Variants in ARHGAP8 observed in about 807,000 individuals in gnomAD.
The protein encoded by ARHGAP8 is Rho GTPase activating protein 8.
A neutral mutation model predicts 46.1 loss-of-function variants in ARHGAP8; 62 were observed. The ratio of observed to expected loss-of-function variants is 1.34; its 90% CI spans 1.10 to 1.66. ARHGAP8 has a LOEUF of 1.66. ARHGAP8 is among the 40% of genes most tolerant of loss of function. The pLI is 0.00. For missense variants in ARHGAP8, 923 were observed against 568.4 expected, an observed-to-expected ratio of 1.62 and a Z score of -6.34; for synonymous variants, 375 against 243.1, an observed-to-expected ratio of 1.54 and a Z score of -5.05.
At position 44,862,444 on chromosome 22, in the gene ARHGAP8, C is replaced by G. The variant is rs2071762; in HGVS notation, c.1151C>G (p.Pro384Arg). 98 of 1,613,796 alleles carry G rather than the reference C, an allele frequency of 6.1e-5. No individual in the cohort carries two copies. In the South Asian group the frequency reaches 9.1e-4, roughly 15 times the overall value. The change falls in exon 12 of 12, where the codon CCG becomes CGG. Residue 384 changes from proline to arginine, a missense_variant. Coordinates refer to ENST00000356099, the MANE Select transcript of ARHGAP8 (RefSeq NM_181335.3). ...IEYYEKIFST[P>R]EAPGEHGLAP... ...TACTATGAAAAGATCTTCAGCACCC[C>G]GGAGGCACCTGGGGAGCACGGCCTG...
intron 7 of ARHGAP8, among the ~76,000 whole-genome samples, chr22:44,842,069 C>T (rs1455697311): frequency 6.6e-6 from 1 of 152,128 alleles, no homozygotes; most frequent in Non-Finnish European, 1.5e-5. Context: ...GGGTTAAAAC[C>T]AGGCACAGGC....
chr22:44,819,063 T>A (rs1929951111), intron 5 of ARHGAP8, among the ~76,000 whole-genome samples: 1 of 151,742 alleles, frequency 6.6e-6, no homozygotes, highest in African/African-American at 2.4e-5. Context: ...TGTTTGTTGT[T>A]GTTTTGTTTT....
chr22:44,816,067 C>T (rs1450754893), intron 5 of ARHGAP8, among the ~76,000 whole-genome samples: 4 of 152,100 alleles, frequency 2.6e-5, no homozygotes, highest in Non-Finnish European at 4.4e-5. Context: ...GACAGGGAGG[C>T]GCATCCCTGG....
chr22:44,827,366 A>T (rs1309745657), intron 7 of ARHGAP8, among the ~76,000 whole-genome samples: 1 of 12,068 alleles, frequency 8.3e-5, no homozygotes, highest in Non-Finnish European at 1.8e-4. Context: ...TTTTTTTGAG[A>T]CAGTCTCGCT....
At chr22:44,825,923 G>A (rs988900840) in intron 7 of ARHGAP8, among the ~76,000 whole-genome samples, 1 of 129,268 alleles carries the variant, frequency 7.7e-6, no homozygotes, top group African/African-American at 2.9e-5. Flanking sequence ...CGCGTGCTGG[G>A]TGCCTGGTCG....
chr22:44,856,254 C>CTTTTTTTTTTTTTTTTTTTTT (rs557242169), intron 10 of ARHGAP8, among the ~76,000 whole-genome samples: 1 of 86,824 alleles, frequency 1.2e-5, no homozygotes, highest in African/African-American at 4.9e-5. Flanking sequence ...TATAAATTCC[C>CTTTTTTTTTTTTTTTTTTTTT]TTTTTTTTTT....
chr22:44,793,044 G>A (rs886731195), intron 2 of ARHGAP8, among the ~76,000 whole-genome samples: 4 of 152,184 alleles, frequency 2.6e-5, no homozygotes, highest in East Asian at 1.9e-4. Context: ...GGTTAGTCTC[G>A]AAATCCTGAC....
At chr22:44,768,391 C>G (rs1234831779) in intron 1 of ARHGAP8, among the ~76,000 whole-genome samples, 2 of 152,076 alleles carry the variant, frequency 1.3e-5, no homozygotes, top group Non-Finnish European at 2.9e-5. Flanking sequence ...CCTCAACCTC[C>G]TGGGCTCAAG....
intron 10 of ARHGAP8, among the ~76,000 whole-genome samples, chr22:44,852,769 C>G (rs2147176157): frequency 6.6e-6 from 1 of 152,154 alleles, no homozygotes; most frequent in Non-Finnish European, 1.5e-5. Flanking sequence ...TTGAACAAAC[C>G]ATAAGTTCCG....
chr22:44,851,931 C>G (rs2070104457), intron 10 of ARHGAP8, among the ~76,000 whole-genome samples: 1 of 152,020 alleles, frequency 6.6e-6, no homozygotes, highest in Non-Finnish European at 1.5e-5. Context: ...TGGCTCACTC[C>G]TGTAAACTCA....
At position 44,808,396 on chromosome 22, in the gene ARHGAP8, C is replaced by T; in HGVS notation, c.257C>T (p.Ser86Phe). 3 of 1,614,250 alleles carry T rather than the reference C, an allele frequency of 1.9e-6. No individual in the cohort carries two copies. The highest frequency in any genetic ancestry group is 2.5e-6 in the Non-Finnish European group (3 of 1,180,052). ...GGGCTGAACAGCCGGAACAAGCCTT[C>T]CCTGGGCTGGCTCCAGAGCGCATAC... ...HYGLNSRNKP[S>F]LGWLQSAYKE... Residue 86 changes from serine (S) to phenylalanine (F), a missense_variant, in exon 4 of 12, where the codon TCC (serine) becomes TTC (phenylalanine). Coordinates refer to ENST00000356099, the MANE Select transcript of ARHGAP8 (RefSeq NM_181335.3).
At chr22:44,805,935 G>C (rs181258286) in intron 3 of ARHGAP8, among the ~76,000 whole-genome samples, 1 of 152,210 alleles carries the variant, frequency 6.6e-6, no homozygotes, top group Non-Finnish European at 1.5e-5. Flanking sequence ...TGCTGAGCAC[G>C]CGGGCAGATG....
intron 4 of ARHGAP8, among the ~76,000 whole-genome samples, chr22:44,810,759 T>C (rs1024770514): frequency 3.3e-5 from 5 of 152,068 alleles, no homozygotes; most frequent in African/African-American, 1.2e-4. Flanking sequence ...GGGTGGACTT[T>C]GGTGCAATTG....
rs201719248 is a variant in ARHGAP8, at chr22:44,856,621, A to G, written c.878-3110A>G. On this transcript the variant is annotated intron_variant, in intron 10 of 11. Coordinates refer to ENST00000356099, the MANE Select transcript of ARHGAP8 (RefSeq NM_181335.3). ...CTGACCATTGGCTGTTCCCCCAGGCATTTGGAAGCCAAACTGGCCATAAAG... is the reference window on the plus strand; with the variant it reads ...CTGACCATTGGCTGTTCCCCCAGGCGTTTGGAAGCCAAACTGGCCATAAAG... Among the ~76,000 whole-genome samples the G allele has an allele frequency of 6.8e-5, 8 of 118,412 alleles. No homozygotes were observed. In the East Asian group the frequency reaches 1.7e-3, roughly 25 times the overall value. The allele number at this position is 118,412 out of a possible 152,430, so 77.7% of individuals were successfully genotyped here.
chr22:44,859,414 C>G (rs1221677926), intron 10 of ARHGAP8, among the ~76,000 whole-genome samples: 2 of 152,174 alleles, frequency 1.3e-5, no homozygotes, highest in African/African-American at 4.8e-5. Flanking sequence ...TTTTTGCCTT[C>G]TGCCATAATT....
rs149033252 is a variant in ARHGAP8 at position 44,804,740 on chromosome 22, C to T, written c.167+2576C>T. 3.7e-4 allele frequency among the ~76,000 whole-genome samples: 56 copies of T among 152,222 alleles called. No homozygotes were observed. The East Asian group carries it at 5.2e-3, about 14-fold the overall frequency. On this transcript the variant is annotated intron_variant, in intron 3 of 11. Transcript: ENST00000356099. ...AACTCAAGATGAACAAAGGCATGAT[C>T]GGACATAGAAGCACCCAGAAGACTT...
chr22:44,856,736 A>G (rs1481635433), intron 10 of ARHGAP8, among the ~76,000 whole-genome samples: 1 of 143,938 alleles, frequency 6.9e-6, no homozygotes, highest in Non-Finnish European at 1.5e-5. Context: ...GACAGAGACA[A>G]AGGCAAACAG....
intron 7 of ARHGAP8, among the ~76,000 whole-genome samples, chr22:44,838,239 G>GC (rs1931420265): frequency 6.6e-6 from 1 of 151,796 alleles, no homozygotes; most frequent in Non-Finnish European, 1.5e-5. Context: ...CCGGGTTCAA[G>GC]CAATTCTCCT....
chr22:44,772,450 A>G, intron 1 of ARHGAP8, among the ~76,000 whole-genome samples: 1 of 148,868 alleles, frequency 6.7e-6, no homozygotes, highest in African/African-American at 2.5e-5. Flanking sequence ...TTGGCCTCCC[A>G]AAGTGCTGAG....
Sources: allele counts gnomAD v4.1 joint callset (sites outside exome capture counted in the v4.1 genomes callset), GRCh38; gene constraint gnomAD v4.1.1; transcripts MANE v1.5; gene names NCBI Gene and HGNC (gene_info 2026-07-23, HGNC 2026-07-21).